Variants in BACH2 observed in about 807,000 individuals in gnomAD.
BACH2 encodes the protein transcription regulator protein BACH2.
In BACH2, 5 loss-of-function variants were observed where a neutral mutation model predicts 61.8. That is an observed-to-expected ratio of 0.08 (90% CI 0.04 to 0.17). The LOEUF (loss-of-function observed/expected upper bound fraction) is 0.17. Ranked by LOEUF, BACH2 falls within the 10% of genes least tolerant of loss-of-function variation. BACH2 has a pLI of 1.00. For missense variants in BACH2, 824 were observed against 1,091.1 expected, an observed-to-expected ratio of 0.76 and a Z score of 3.45; for synonymous variants, 446 against 440.1, an observed-to-expected ratio of 1.01 and a Z score of -0.17.
chr6:89,945,468 A>G (rs1481790434), intron 7 of BACH2, among the ~76,000 whole-genome samples: 1 of 152,240 alleles, frequency 6.6e-6, no homozygotes, highest in Non-Finnish European at 1.5e-5. Flanking sequence ...ACATCTTGCA[A>G]GATTCTATTT....
At chr6:90,184,272 C>A (rs566950178) in intron 4 of BACH2, among the ~76,000 whole-genome samples, 5 of 152,308 alleles carry the variant, frequency 3.3e-5, no homozygotes, top group Admixed American at 3.3e-4. Flanking sequence ...TTTAACATCT[C>A]CTCTTTATCT....
chr6:90,186,889 C>G (rs904704676), intron 4 of BACH2, among the ~76,000 whole-genome samples: 1 of 152,176 alleles, frequency 6.6e-6, no homozygotes, highest in Non-Finnish European at 1.5e-5. Flanking sequence ...GGAATTTGAA[C>G]CCAGGTCTGA....
intron 7 of BACH2, among the ~76,000 whole-genome samples, chr6:89,938,938 A>T (rs1231871572): frequency 6.6e-6 from 1 of 152,014 alleles, no homozygotes; most frequent in Non-Finnish European, 1.5e-5. Context: ...CAGGCTAGCT[A>T]CTCCACCTCT....
At chr6:90,145,628 ATCCT>A (rs1282994625) in intron 4 of BACH2, among the ~76,000 whole-genome samples, 1 of 152,202 alleles carries the variant, frequency 6.6e-6, no homozygotes. Flanking sequence ...CTGCAGATAT[ATCCT>A]TTAAAATTGT....
At chr6:90,162,133 T>A (rs946296217) in intron 4 of BACH2, among the ~76,000 whole-genome samples, 1 of 152,098 alleles carries the variant, frequency 6.6e-6, no homozygotes, top group African/African-American at 2.4e-5. Context: ...CCCAATAGGA[T>A]CAAACTTCTT....
At chr6:90,006,864 C>T (rs1368700254) in intron 6 of BACH2, among the ~76,000 whole-genome samples, 4 of 151,992 alleles carry the variant, frequency 2.6e-5, no homozygotes, top group East Asian at 1.9e-4. Flanking sequence ...GTGGTCTTCC[C>T]GCTTTGGCCT....
At chr6:90,225,812 A>G (rs1769894003) in intron 3 of BACH2, among the ~76,000 whole-genome samples, 1 of 152,286 alleles carries the variant, frequency 6.6e-6, no homozygotes, top group Non-Finnish European at 1.5e-5. Context: ...GGTGGAGGAG[A>G]AAGGCTGCAA....
chr6:90,054,087 T>C (rs1447790099), intron 5 of BACH2, among the ~76,000 whole-genome samples: 1 of 152,160 alleles, frequency 6.6e-6, no homozygotes, highest in Admixed American at 6.5e-5. Context: ...AGGTACCGGG[T>C]TCATCTCACT....
intron 5 of BACH2, among the ~76,000 whole-genome samples, chr6:90,024,367 T>C (rs905664509): frequency 6.6e-6 from 1 of 152,188 alleles, no homozygotes; most frequent in Non-Finnish European, 1.5e-5. Flanking sequence ...GTTGTACGTT[T>C]TCAGTAATAA....
At chr6:90,215,428 C>G (rs1769500834) in intron 3 of BACH2, among the ~76,000 whole-genome samples, 3 of 152,172 alleles carry the variant, frequency 2.0e-5, no homozygotes, top group African/African-American at 7.2e-5. Context: ...ACAGCTGGGT[C>G]TGAAACACTC....
At chr6:90,052,889 T>A (rs1780123243) in intron 5 of BACH2, among the ~76,000 whole-genome samples, 1 of 152,230 alleles carries the variant, frequency 6.6e-6, no homozygotes, top group Non-Finnish European at 1.5e-5. Flanking sequence ...AGCCAGAAAG[T>A]TTAGGCAATT....
intron 2 of BACH2, among the ~76,000 whole-genome samples, chr6:90,258,713 A>T (rs940719690): frequency 1.3e-5 from 2 of 151,916 alleles, no homozygotes; most frequent in African/African-American, 4.8e-5. Context: ...ATATCTTTCC[A>T]TTTTTTTGTG....
At chr6:90,296,202 A>T (rs1269649725) in intron 1 of BACH2, among the ~76,000 whole-genome samples, 2 of 151,984 alleles carry the variant, frequency 1.3e-5, no homozygotes, top group Admixed American at 6.5e-5. Flanking sequence ...CGCCAGCAAA[A>T]TACAATGCGC....
chr6:89,972,438 A>G lies in BACH2; in HGVS notation c.244-20576T>C, dbSNP rs191198883. 5.3e-5 allele frequency among the ~76,000 whole-genome samples: 8 copies of G among 152,282 alleles called. No homozygotes were observed. In the East Asian group the frequency reaches 1.5e-3, roughly 29 times the overall value. Reference sequence around the variant, plus strand: ...GGCCAATTCAAGACTGAGAACGACTAAAAAAAGCATCATGTTGCTTCTAAC... The same window carrying G: ...GGCCAATTCAAGACTGAGAACGACTGAAAAAAGCATCATGTTGCTTCTAAC... On this transcript the variant is annotated intron_variant, in intron 6 of 8. Transcript: ENST00000257749.
chr6:90,268,591 A>G (rs1406267816), intron 2 of BACH2, among the ~76,000 whole-genome samples: 4 of 152,128 alleles, frequency 2.6e-5, no homozygotes, highest in Admixed American at 6.5e-5. Context: ...TTATGTTTTT[A>G]GTTTCTTTAA....
intron 6 of BACH2, among the ~76,000 whole-genome samples, chr6:89,983,504 A>G (rs2128363559): frequency 6.6e-6 from 1 of 152,308 alleles, no homozygotes; most frequent in Admixed American, 6.5e-5. Context: ...CGCTGTCTCT[A>G]CTAAAAATAC....
chr6:89,999,705 C>G (rs1777033337), intron 6 of BACH2, among the ~76,000 whole-genome samples: 1 of 151,856 alleles, frequency 6.6e-6, no homozygotes, highest in Non-Finnish European at 1.5e-5. Flanking sequence ...CTAAGAGACT[C>G]CATAATGGGA....
chr6:89,937,467 A>G (rs1437362639), intron 8 of BACH2, among the ~76,000 whole-genome samples: 2 of 152,194 alleles, frequency 1.3e-5, no homozygotes, highest in African/African-American at 4.8e-5. Flanking sequence ...ATTAAATGGG[A>G]TCATCCATAA....
chr6:90,026,250 T>C (rs569007363), intron 5 of BACH2, among the ~76,000 whole-genome samples: 32 of 151,206 alleles, frequency 2.1e-4, no homozygotes, highest in African/African-American at 7.5e-4. Context: ...CATAAAGGAG[T>C]GGGGAAGATG....
Sources: allele counts gnomAD v4.1 joint callset (sites outside exome capture counted in the v4.1 genomes callset), GRCh38; gene constraint gnomAD v4.1.1; transcripts MANE v1.5; gene names NCBI Gene and HGNC (gene_info 2026-07-23, HGNC 2026-07-21).